CNTNAP2: variants seen among roughly 807,000 people sequenced by gnomAD.
The protein encoded by CNTNAP2 is contactin associated protein 2, also known as contactin-associated protein-like 2.
A neutral mutation model predicts 155.2 loss-of-function variants in CNTNAP2; 98 were observed. That is an observed-to-expected ratio of 0.63 (90% confidence interval 0.54 to 0.75). The LOEUF (loss-of-function observed/expected upper bound fraction) is 0.75, where lower values mean the gene tolerates loss of function less well. Ranked by LOEUF, CNTNAP2 falls within the 30% of genes least tolerant of loss-of-function variation. CNTNAP2 has a pLI of 0.00. For missense variants in CNTNAP2, 1,727 were observed against 1,688.1 expected (o/e 1.02, Z -0.40); for synonymous variants, 651 against 631.2 (o/e 1.03, Z -0.47).
chr7:148,058,901 G>T (rs1056087063), intron 15 of CNTNAP2, among the ~76,000 whole-genome samples: 5 of 152,096 alleles, frequency 3.3e-5, no homozygotes, highest in Admixed American at 6.6e-5. Context: ...AACAAAAGGG[G>T]CACACAGGGG....
intron 1 of CNTNAP2, among the ~76,000 whole-genome samples, chr7:146,551,800 ATTT>A (rs1192094868): frequency 1.3e-5 from 2 of 151,946 alleles, no homozygotes; most frequent in Admixed American, 1.3e-4. Flanking sequence ...AACAAAGCTT[ATTT>A]TTCTCCTTCT....
At chr7:147,392,564 A>C (rs186784695) in intron 9 of CNTNAP2, among the ~76,000 whole-genome samples, 23 of 152,042 alleles carry the variant, frequency 1.5e-4, no homozygotes, top group South Asian at 1.0e-3. Context: ...ATGCCTTTGC[A>C]TTCTCATAGC....
chr7:147,119,552 C>G (rs1801058720), intron 5 of CNTNAP2, among the ~76,000 whole-genome samples: 1 of 152,188 alleles, frequency 6.6e-6, no homozygotes. Context: ...TCTTCCTCTT[C>G]CTCCTCTTGT....
At chr7:147,212,279 G>T (rs1203349354) in intron 8 of CNTNAP2, among the ~76,000 whole-genome samples, 1 of 152,058 alleles carries the variant, frequency 6.6e-6, no homozygotes, top group African/African-American at 2.4e-5. Context: ...TTTACCAAAA[G>T]ATACATGCAC....
chr7:148,379,565 A>G (rs1460674503), intron 21 of CNTNAP2, among the ~76,000 whole-genome samples: 1 of 152,014 alleles, frequency 6.6e-6, no homozygotes, highest in Admixed American at 6.6e-5. Flanking sequence ...AAAAAAAATT[A>G]GTCGGGCATG....
At chr7:147,730,037 C>T (rs2116464293) in intron 13 of CNTNAP2, among the ~76,000 whole-genome samples, 1 of 152,184 alleles carries the variant, frequency 6.6e-6, no homozygotes, top group South Asian at 2.1e-4. Flanking sequence ...ATATCTATGG[C>T]TATGAAGATG....
intron 13 of CNTNAP2, among the ~76,000 whole-genome samples, chr7:147,659,865 A>G (rs922934162): frequency 1.2e-4 from 17 of 136,618 alleles, no homozygotes; most frequent in Non-Finnish European, 5.9e-5. Flanking sequence ...TGAAAGAATA[A>G]CAAAGAAACA....
chr7:146,741,325 A>G (rs768124084), intron 1 of CNTNAP2, among the ~76,000 whole-genome samples: 1 of 151,692 alleles, frequency 6.6e-6, no homozygotes, highest in Non-Finnish European at 1.5e-5. Context: ...GGAGAGTCCT[A>G]CTCCACTGTC....
At chr7:146,794,979 T>G (rs562973092) in intron 2 of CNTNAP2, among the ~76,000 whole-genome samples, 1 of 152,356 alleles carries the variant, frequency 6.6e-6, no homozygotes, top group African/African-American at 2.4e-5. Flanking sequence ...ACCTGCAGCT[T>G]CATATGCTAT....
At position 147,678,430 on chromosome 7, in the gene CNTNAP2, G is replaced by T. The variant is rs1201956745; in HGVS notation, c.2098+39124G>T. ...TTCTTTTGTGGCATTAATTTTTAAA[G>T]TGCTTGATTTCCCAGTTGATTATTT... is the stretch of plus-strand genomic sequence containing the variant. On this transcript the variant is annotated intron_variant, in intron 13 of 23. Transcript: ENST00000361727. Among the ~76,000 whole-genome samples the T allele has an allele frequency of 2.0e-5, 3 of 152,000 alleles. No homozygotes were observed. In the East Asian group the frequency reaches 5.8e-4, roughly 29 times the overall value.
intron 4 of CNTNAP2, 73 bp downstream of exon 4, chr7:147,044,127 T>C (rs891925799): frequency 8.1e-5 from 124 of 1,538,842 alleles, no homozygotes; most frequent in Non-Finnish European, 1.0e-4. Flanking sequence ...TATTTTAAAT[T>C]ATTTAACATT....
In CNTNAP2 at chr7:147,828,297, C is replaced by T. The variant is rs188495886; in HGVS notation, c.2099-75268C>T. Among the ~76,000 whole-genome samples, 6 of 152,226 alleles carry T rather than the reference C, an allele frequency of 3.9e-5. No individual in the cohort carries two copies. In the East Asian group the frequency reaches 1.2e-3, roughly 29 times the overall value. On this transcript the variant is annotated intron_variant, in intron 13 of 23. Coordinates refer to ENST00000361727, the MANE Select transcript of CNTNAP2 (RefSeq NM_014141.6). ...GGAGCAGACAAAATTGGATCGAAGTCCAGATTTCCTTGTTTTCTAACTGGA... is the reference window on the plus strand; with the variant it reads ...GGAGCAGACAAAATTGGATCGAAGTTCAGATTTCCTTGTTTTCTAACTGGA...
At chr7:146,664,958 T>A (rs1239590589) in intron 1 of CNTNAP2, among the ~76,000 whole-genome samples, 1 of 152,176 alleles carries the variant, frequency 6.6e-6, no homozygotes, top group African/African-American at 2.4e-5. Flanking sequence ...TTTGTTTTGT[T>A]TTGTTTTGTT....
intron 14 of CNTNAP2, among the ~76,000 whole-genome samples, chr7:147,924,284 A>T (rs967560857): frequency 6.6e-6 from 1 of 151,716 alleles, no homozygotes; most frequent in Non-Finnish European, 1.5e-5. Flanking sequence ...GATTACAGGC[A>T]TGTACCACAA....
chr7:146,534,616 T>C (rs812414), intron 1 of CNTNAP2, among the ~76,000 whole-genome samples: 68,024 of 151,812 alleles, frequency 0.45, 17,277 homozygotes, highest in African/African-American at 0.7. Context: ...CTAATCTTTC[T>C]TGGCCACTGA....
intron 8 of CNTNAP2, among the ~76,000 whole-genome samples, chr7:147,291,525 TCCTTG>T (rs1805312043): frequency 6.6e-6 from 1 of 152,184 alleles, no homozygotes; most frequent in South Asian, 2.1e-4. Flanking sequence ...TAGCAATATT[TCCTTG>T]TTTGAATATA....
intron 3 of CNTNAP2, among the ~76,000 whole-genome samples, chr7:146,932,412 A>T (rs1224755003): frequency 6.6e-6 from 1 of 151,820 alleles, no homozygotes; most frequent in Non-Finnish European, 1.5e-5. Flanking sequence ...ACTCTCAATA[A>T]ATTAGGTATT....
Position 148,378,044 on chromosome 7 carries a change from C to T in CNTNAP2, c.3476-5605C>T, listed in dbSNP as rs1186813019. ...TTTGATTTACAATATTCCCACCTTA[C>T]GATGGGTGTATGGGGAGGTAACCCC... On this transcript the variant is annotated intron_variant, in intron 21 of 23. Coordinates refer to ENST00000361727, the MANE Select transcript of CNTNAP2 (RefSeq NM_014141.6). Among the ~76,000 whole-genome samples the T allele has an allele frequency of 5.9e-5, 4 of 68,196 alleles. 2 individuals are homozygous for T. The highest frequency in any genetic ancestry group is 1.4e-4 in the African/African-American group (4 of 27,850). The allele number at this position is 68,196 out of a possible 152,430, so 44.7% of individuals were successfully genotyped here.
intron 11 of CNTNAP2, among the ~76,000 whole-genome samples, chr7:147,548,023 T>A (rs1178508980): frequency 6.6e-6 from 1 of 152,202 alleles, no homozygotes; most frequent in African/African-American, 2.4e-5. Context: ...GGCATTTTGG[T>A]TGGTTCTATG....
Sources: allele counts gnomAD v4.1 joint callset (sites outside exome capture counted in the v4.1 genomes callset), GRCh38; gene constraint gnomAD v4.1.1; transcripts MANE v1.5; gene names NCBI Gene and HGNC (gene_info 2026-07-23, HGNC 2026-07-21).